Variants in SLC44A5 observed in about 807,000 individuals in gnomAD.
SLC44A5 encodes the protein solute carrier family 44 member 5.
SLC44A5 carries 57 observed loss-of-function variants against 101.8 expected under a neutral mutation model. The ratio of observed to expected loss-of-function variants is 0.56; its 90% CI spans 0.45 to 0.70. The LOEUF (loss-of-function observed/expected upper bound fraction) is 0.70, where lower values mean the gene tolerates loss of function less well. Ranked by LOEUF, SLC44A5 falls within the 30% of genes least tolerant of loss-of-function variation. SLC44A5 has a pLI of 0.00. For synonymous variants in SLC44A5, 281 were observed against 290.9 expected (o/e 0.97, Z 0.35); for missense variants, 737 against 853.1 (o/e 0.86, Z 1.70).
At chr1:75,460,219 T>C (rs1315823209) in intron 2 of SLC44A5, among the ~76,000 whole-genome samples, 1 of 152,234 alleles carries the variant, frequency 6.6e-6, no homozygotes, top group Non-Finnish European at 1.5e-5. Context: ...AATGTTATGA[T>C]AATGAGAAGC....
intron 4 of SLC44A5, among the ~76,000 whole-genome samples, chr1:75,333,596 G>A (rs1203415371): frequency 6.6e-6 from 1 of 151,870 alleles, no homozygotes; most frequent in Non-Finnish European, 1.5e-5. Flanking sequence ...CTTTCTATGT[G>A]CCAGGCACTG....
chr1:75,409,291 GGTAT>G (rs1261008739), intron 2 of SLC44A5, among the ~76,000 whole-genome samples: 1 of 152,070 alleles, frequency 6.6e-6, no homozygotes, highest in East Asian at 1.9e-4. Context: ...TATATAACTG[GGTAT>G]GTGTTTTCTG....
intron 2 of SLC44A5, among the ~76,000 whole-genome samples, chr1:75,445,464 C>T (rs1665499326): frequency 9.8e-6 from 1 of 101,910 alleles, no homozygotes; most frequent in South Asian, 3.4e-4. Context: ...CTAATATGCT[C>T]ACTGTCCAAT....
Position 75,237,020 on chromosome 1 carries a change from T to C in SLC44A5, c.707A>G (p.Glu236Gly). The stretch of plus-strand genomic sequence containing the variant: ...CCAATACCAAGTTCTTGCATAGTCT[T>C]CAAACACTTTCAATCCAAGTGACTT... Reference protein sequence around the residue: ...DAKSLGLKVFEDYARTWYWIL... With the variant: ...DAKSLGLKVFGDYARTWYWIL... Residue 236 changes from glutamate to glycine, a missense_variant, in exon 11 of 24, where the codon GAA becomes GGA. By Grantham distance (98) the Glu-to-Gly change is moderately conservative. Transcript: ENST00000370859. The C allele has an allele frequency of 6.2e-7, 1 of 1,603,196 alleles. No individual in the cohort carries two copies. Among genetic ancestry groups the C allele is most frequent in the Non-Finnish European group, 8.5e-7 (1 of 1,172,248 alleles).
intron 2 of SLC44A5, among the ~76,000 whole-genome samples, chr1:75,472,647 T>A (rs1353420074): frequency 1.3e-5 from 2 of 152,164 alleles, no homozygotes; most frequent in Non-Finnish European, 2.9e-5. Context: ...ATACAAGTTT[T>A]TCATTTAGCA....
At position 75,227,768 on chromosome 1, in the gene SLC44A5, T is replaced by C; in HGVS notation, c.943A>G (p.Ile315Val). The change falls in exon 13 of 24, where the codon ATA (isoleucine) becomes GTA (valine). Residue 315 changes from isoleucine (I) to valine (V), a missense_variant. By Grantham distance (29) the Ile-to-Val change is conservative. Transcript: ENST00000370859. The part of the protein sequence containing the change: ...TIYDIGIQTN[I>V]SMYFELQQTW... ...TGTTGCAGTTCAAAGTACATGCTTATGTTAGTCTGAATCCCGATGTCATAG... is the reference window on the plus strand; with the variant it reads ...TGTTGCAGTTCAAAGTACATGCTTACGTTAGTCTGAATCCCGATGTCATAG... The C allele has an allele frequency of 6.3e-7, 1 of 1,586,316 alleles. No individual in the cohort carries two copies.
intron 1 of SLC44A5, among the ~76,000 whole-genome samples, chr1:75,603,795 T>A (rs1361673207): frequency 6.6e-6 from 1 of 150,778 alleles, no homozygotes; most frequent in Admixed American, 6.6e-5. Context: ...TTCTTTTTTT[T>A]AATTGTATGT....
At chr1:75,502,887 C>A (rs1415755445) in intron 2 of SLC44A5, among the ~76,000 whole-genome samples, 5 of 152,118 alleles carry the variant, frequency 3.3e-5, no homozygotes, top group South Asian at 2.1e-4. Context: ...AGAGTGGGGG[C>A]TCCGCCTTGC....
intron 2 of SLC44A5, among the ~76,000 whole-genome samples, chr1:75,457,814 AC>A: frequency 1.3e-5 from 2 of 151,740 alleles, no homozygotes; most frequent in Non-Finnish European, 2.9e-5. Flanking sequence ...CTGAGATTGC[AC>A]CACTGCACTC....
the SLC44A5 span, among the ~76,000 whole-genome samples, chr1:75,698,391 A>T: frequency 9.5e-4 from 145 of 152,312 alleles, no homozygotes; most frequent in African/African-American, 3.4e-3. Flanking sequence ...CAGCAGGGGC[A>T]GACTGACACC....
intron 3 of SLC44A5, among the ~76,000 whole-genome samples, chr1:75,352,006 A>C (rs567155179): frequency 2.6e-5 from 4 of 152,164 alleles, no homozygotes. Flanking sequence ...TTTAAATCAA[A>C]AGAACCTTGA....
chr1:75,276,362 G>C (rs567819452), intron 5 of SLC44A5, among the ~76,000 whole-genome samples: 1 of 152,184 alleles, frequency 6.6e-6, no homozygotes, highest in Non-Finnish European at 1.5e-5. Flanking sequence ...ACCTTAGTTT[G>C]TCATGTTTTG....
the SLC44A5 span, among the ~76,000 whole-genome samples, chr1:75,692,307 C>T: frequency 6.6e-6 from 1 of 150,920 alleles, no homozygotes; most frequent in Non-Finnish European, 1.5e-5. Flanking sequence ...GATTCTCCTG[C>T]CTCAGCCTCC....
intron 13 of SLC44A5, among the ~76,000 whole-genome samples, chr1:75,222,849 A>G (rs766097773): frequency 7.2e-5 from 11 of 152,144 alleles, no homozygotes; most frequent in Non-Finnish European, 1.3e-4. Flanking sequence ...TGAGCTGTTC[A>G]CTTTCCTCAT....
chr1:75,484,199 A>C (rs372333389), intron 2 of SLC44A5, among the ~76,000 whole-genome samples: 6 of 152,146 alleles, frequency 3.9e-5, no homozygotes, highest in African/African-American at 1.4e-4. Flanking sequence ...GCATTAACTC[A>C]AAAGTCCAAG....
chr1:75,495,181 C>A (rs527528751), intron 2 of SLC44A5, among the ~76,000 whole-genome samples: 1 of 152,132 alleles, frequency 6.6e-6, no homozygotes, highest in African/African-American at 2.4e-5. Context: ...ATAGGCCAGG[C>A]GCAGTGGCTC....
chr1:75,547,797 A>G (rs1671729077), intron 1 of SLC44A5, among the ~76,000 whole-genome samples: 1 of 152,202 alleles, frequency 6.6e-6, no homozygotes, highest in African/African-American at 2.4e-5. Flanking sequence ...AAGAGTTTCA[A>G]TGGGAAGTCA....
chr1:75,667,744 C>T, the SLC44A5 span, among the ~76,000 whole-genome samples: 1 of 152,200 alleles, frequency 6.6e-6, no homozygotes, highest in Admixed American at 6.5e-5. Context: ...GAATGAAGTG[C>T]CGAACTAAGA....
chr1:75,689,998 T>C, the SLC44A5 span, among the ~76,000 whole-genome samples: 2 of 152,200 alleles, frequency 1.3e-5, no homozygotes, highest in Non-Finnish European at 2.9e-5. Flanking sequence ...GAGACTCCCA[T>C]TCCCTTTCCA....
Sources: allele counts gnomAD v4.1 joint callset (sites outside exome capture counted in the v4.1 genomes callset), GRCh38; gene constraint gnomAD v4.1.1; transcripts MANE v1.5; gene names NCBI Gene and HGNC (gene_info 2026-07-23, HGNC 2026-07-21).